The following ARHGAP44 variants were observed in gnomAD, a reference collection of about 807,000 sequenced individuals.
ARHGAP44 encodes Rho GTPase activating protein 44, also known as rho GTPase-activating protein 44.
ARHGAP44 carries 43 observed loss-of-function variants against 106.8 expected under a neutral mutation model. The observed-to-expected ratio is 0.40, with a 90% CI of 0.32 to 0.52. ARHGAP44 has a LOEUF of 0.52. Among genes scored for constraint, ARHGAP44 ranks in the 20% least tolerant of loss-of-function variants. The pLI, the probability that ARHGAP44 is intolerant of heterozygous loss-of-function variation, is 0.48. For synonymous variants in ARHGAP44, 439 were observed against 410.3 expected (o/e 1.07, Z -0.85); for missense variants, 866 against 1,050.5 (o/e 0.82, Z 2.43).
chr17:12,838,079 T>C (rs1418986666), intron 1 of ARHGAP44, among the ~76,000 whole-genome samples: 1 of 152,172 alleles, frequency 6.6e-6, no homozygotes, highest in African/African-American at 2.4e-5. Flanking sequence ...ACTTTACTAT[T>C]GTTCATTTCT....
intron 1 of ARHGAP44, among the ~76,000 whole-genome samples, chr17:12,795,280 C>T (rs1036288549): frequency 6.6e-6 from 1 of 152,200 alleles, no homozygotes; most frequent in Non-Finnish European, 1.5e-5. Flanking sequence ...ACTAACCCAC[C>T]GATTACTGGG....
intron 3 of ARHGAP44, among the ~76,000 whole-genome samples, chr17:12,905,839 C>T (rs545821865): frequency 6.6e-6 from 1 of 152,278 alleles, no homozygotes; most frequent in South Asian, 2.1e-4. Flanking sequence ...TATGTGAGCT[C>T]ATCAATACTA....
At chr17:12,934,978 A>G (rs570433460) in intron 7 of ARHGAP44, among the ~76,000 whole-genome samples, 4 of 152,114 alleles carry the variant, frequency 2.6e-5, no homozygotes, top group Admixed American at 6.6e-5. Flanking sequence ...ACAAATTCAA[A>G]TAATTTTTAT....
At chr17:12,923,125 G>C (rs900911403) in intron 6 of ARHGAP44, among the ~76,000 whole-genome samples, 4 of 152,084 alleles carry the variant, frequency 2.6e-5, no homozygotes, top group African/African-American at 9.7e-5. Context: ...AACTTGATCC[G>C]TCTCCTTTAT....
intron 1 of ARHGAP44, among the ~76,000 whole-genome samples, chr17:12,797,046 A>G (rs899708370): frequency 7.2e-5 from 11 of 152,126 alleles, no homozygotes; most frequent in South Asian, 2.1e-4. Flanking sequence ...TATATTAAGC[A>G]TATGTATGCT....
intron 16 of ARHGAP44, among the ~76,000 whole-genome samples, chr17:12,970,550 T>C (rs2039505988): frequency 6.6e-6 from 1 of 152,180 alleles, no homozygotes; most frequent in Non-Finnish European, 1.5e-5. Flanking sequence ...TTCACCTTGA[T>C]TCAACTATAA....
At position 12,976,340 on chromosome 17, in the gene ARHGAP44, C is replaced by T. The variant is rs144710200; in HGVS notation, c.1763+2030C>T. ...TAAAAAGTATTTTCACGGCCGGGCACGGTGGCTCACACCTGTAATCCCAGC... is the reference window on the plus strand; with the variant it reads ...TAAAAAGTATTTTCACGGCCGGGCATGGTGGCTCACACCTGTAATCCCAGC... On this transcript the variant is annotated intron_variant, in intron 18 of 20. Transcript: ENST00000379672. 3.6e-3 allele frequency among the ~76,000 whole-genome samples: 551 copies of T among 152,052 alleles called. 4 individuals carry two copies. The highest frequency in any genetic ancestry group is 0.013 in the African/African-American group (529 of 41,462).
chr17:12,823,843 C>T (rs1246707576), intron 1 of ARHGAP44, among the ~76,000 whole-genome samples: 1 of 152,112 alleles, frequency 6.6e-6, no homozygotes, highest in East Asian at 1.9e-4. Flanking sequence ...ATATATTACC[C>T]TATCTGGCTT....
chr17:12,968,573 T>C (rs2039446614), intron 16 of ARHGAP44, among the ~76,000 whole-genome samples: 1 of 152,030 alleles, frequency 6.6e-6, no homozygotes, highest in African/African-American at 2.4e-5. Flanking sequence ...GTTTGTTCCT[T>C]AAGCTTGGAA....
intron 6 of ARHGAP44, among the ~76,000 whole-genome samples, chr17:12,923,117 C>T (rs746878574): frequency 2.4e-4 from 36 of 152,184 alleles, no homozygotes; most frequent in Non-Finnish European, 1.8e-4. Context: ...TTCATATAAA[C>T]TTGATCCGTC....
At chr17:12,979,303 A>C (rs1277071984) in intron 18 of ARHGAP44, among the ~76,000 whole-genome samples, 1 of 152,172 alleles carries the variant, frequency 6.6e-6, no homozygotes, top group African/African-American at 2.4e-5. Flanking sequence ...CCTCAGAAGA[A>C]GGCTGAGGAA....
chr17:12,855,484 A>G (rs1264505253), intron 1 of ARHGAP44, among the ~76,000 whole-genome samples: 1 of 151,078 alleles, frequency 6.6e-6, no homozygotes, highest in Non-Finnish European at 1.5e-5. Flanking sequence ...AAGATTCTAC[A>G]TTATCTTCAT....
rs557743748 is a variant in ARHGAP44 at position 12,854,576 on chromosome 17, G to A, written c.54-40364G>A. The stretch of plus-strand genomic sequence containing the variant: ...AGAAAGTGAGGTGGACCTACAAGTA[G>A]ATGCATAGAAAGATCTCTGAGACAT... On this transcript the variant is annotated intron_variant, in intron 1 of 20. Coordinates refer to ENST00000379672, the MANE Select transcript of ARHGAP44 (RefSeq NM_014859.6). Among the ~76,000 whole-genome samples the A allele has an allele frequency of 3.9e-4, 60 of 152,290 alleles. 1 individual carries two copies. The highest frequency in any genetic ancestry group is 8.5e-4 in the Admixed American group (13 of 15,302).
intron 1 of ARHGAP44, among the ~76,000 whole-genome samples, chr17:12,812,647 T>C (rs1206307488): frequency 6.6e-6 from 1 of 152,128 alleles, no homozygotes; most frequent in East Asian, 1.9e-4. Flanking sequence ...TAAAGAGAAA[T>C]AATTTCTGTA....
intron 1 of ARHGAP44, among the ~76,000 whole-genome samples, chr17:12,792,731 C>T (rs1321629445): frequency 5.9e-5 from 9 of 152,112 alleles, no homozygotes; most frequent in Admixed American, 5.9e-4. Flanking sequence ...CTCGCCTTCC[C>T]TAAGTTGCAG....
chr17:12,918,249 C>T (rs543562169), intron 5 of ARHGAP44, among the ~76,000 whole-genome samples: 2 of 152,320 alleles, frequency 1.3e-5, no homozygotes, highest in African/African-American at 4.8e-5. Context: ...TGCCTGGGGA[C>T]AGTTACACTT....
At chr17:12,915,604 C>T (rs2037886214) in intron 4 of ARHGAP44, among the ~76,000 whole-genome samples, 1 of 151,666 alleles carries the variant, frequency 6.6e-6, no homozygotes, top group African/African-American at 2.4e-5. Context: ...CCAATGTTCT[C>T]CTCAGAGATA....
At chr17:12,974,332 CCGGG>C (rs2039615407) in intron 18 of ARHGAP44, 22 bp downstream of exon 18, 17 of 1,386,816 alleles carry the variant, frequency 1.2e-5, no homozygotes, top group Non-Finnish European at 1.6e-5. Context: ...CCACTGCCGT[CCGGG>C]CGGGCTGGTG....
In ARHGAP44 at chr17:12,958,685, G is replaced by C. The variant is rs771258793; in HGVS notation, c.1343-32G>C. The stretch of plus-strand genomic sequence containing the variant: ...CCAGGAAGGGTGTGGCAGACCAAGA[G>C]TTCACATGTACCAATTCTTTCTTCC... On this transcript the variant is annotated intron_variant, in intron 15 of 20. Coordinates refer to ENST00000379672, the MANE Select transcript of ARHGAP44 (RefSeq NM_014859.6). The surrounding 1 kb of genome is among the most constrained non-coding windows in gnomAD (Gnocchi z 4.1). 1.1e-5 allele frequency: 18 copies of C among 1,606,896 alleles called. No individual in the cohort carries two copies. The highest frequency in any genetic ancestry group is 1.5e-5 in the Non-Finnish European group (18 of 1,174,540).
Sources: allele counts gnomAD v4.1 joint callset (sites outside exome capture counted in the v4.1 genomes callset), GRCh38; gene constraint gnomAD v4.1.1; non-coding constraint Gnocchi (gnomAD v3.1); transcripts MANE v1.5; gene names NCBI Gene and HGNC (gene_info 2026-07-23, HGNC 2026-07-21).